Variants in LRP1B observed in about 807,000 individuals in gnomAD.
LRP1B encodes low-density lipoprotein receptor-related protein 1B.
LRP1B carries 217 observed loss-of-function variants against 556.6 expected under a neutral mutation model. The ratio of observed to expected loss-of-function variants is 0.39; its 90% CI spans 0.35 to 0.44. The LOEUF is 0.44. Ranked by LOEUF, LRP1B falls within the 20% of genes least tolerant of loss-of-function variation. LRP1B has a pLI of 1.00. For missense variants in LRP1B, 5,053 were observed against 5,620.8 expected, an observed-to-expected ratio of 0.90 and a Z score of 3.23; for synonymous variants, 2,047 against 1,865.8, an observed-to-expected ratio of 1.10 and a Z score of -2.50.
chr2:141,229,730 G>A (rs966627999), intron 5 of LRP1B, among the ~76,000 whole-genome samples: 1 of 152,288 alleles, frequency 6.6e-6, no homozygotes, highest in Admixed American at 6.5e-5. Context: ...AGGAAGTGGT[G>A]TGAATTGTTT....
At position 140,249,876 on chromosome 2, in the gene LRP1B, A is replaced by G. The variant is rs1010442194; in HGVS notation, c.13248-2714T>C. Reference sequence around the variant, plus strand: ...ATACTTTAAGTAGACTACAATGATCAAAGCCATTAATGGCAGAGCATTTAA... The same window carrying G: ...ATACTTTAAGTAGACTACAATGATCGAAGCCATTAATGGCAGAGCATTTAA... On this transcript the variant is annotated intron_variant, in intron 86 of 90. Transcript: ENST00000389484. Among the ~76,000 whole-genome samples, 15 of 151,938 alleles carry G rather than the reference A, an allele frequency of 9.9e-5. No homozygotes were observed. The Admixed American group carries it at 9.9e-4, about 10-fold the overall frequency.
At chr2:141,706,878 TA>T (rs1350355531) in intron 2 of LRP1B, among the ~76,000 whole-genome samples, 2 of 152,110 alleles carry the variant, frequency 1.3e-5, no homozygotes, top group African/African-American at 4.8e-5. Flanking sequence ...TATTTGATTC[TA>T]CTCTACTGAT....
At chr2:141,886,972 TTTTTTTTG>T (rs920973137) in intron 1 of LRP1B, among the ~76,000 whole-genome samples, 1 of 103,618 alleles carries the variant, frequency 9.7e-6, no homozygotes, top group African/African-American at 4.1e-5. Context: ...TTCTTTTTTT[TTTTTTTTG>T]GGTTTTTTGT....
chr2:140,246,163 G>A (rs1008790420), intron 87 of LRP1B, among the ~76,000 whole-genome samples: 8 of 151,198 alleles, frequency 5.3e-5, no homozygotes, highest in Middle Eastern at 3.2e-3. Flanking sequence ...TACTTTAATA[G>A]TCTCTCTCCT....
At position 142,130,756 on chromosome 2, in the gene LRP1B, G is replaced by C; in HGVS notation, c.-27C>G. The C allele has an allele frequency of 6.3e-7, 1 of 1,584,390 alleles. No individual in the cohort carries two copies. Among genetic ancestry groups the C allele is most frequent in the South Asian group, 1.1e-5 (1 of 88,524 alleles). ...GTGGTCGCCCGGTAAGGAAGCCTGC[G>C]CTGGAGACTGCTCGGCGGCACCTTC... On this transcript the variant is annotated 5_prime_UTR_variant, in exon 1 of 91. Transcript: ENST00000389484.
In LRP1B at chr2:140,982,272, T is replaced by A; in HGVS notation, c.2775A>T (p.Arg925Ser). The A allele has an allele frequency of 6.2e-7, 1 of 1,608,616 alleles. No individual in the cohort carries two copies. The change falls in exon 18 of 91, where the codon AGA becomes AGT. Residue 925 changes from arginine (R) to serine (S), a missense_variant. By Grantham distance (110) the Arg-to-Ser change is moderately radical. Coordinates refer to ENST00000389484, the MANE Select transcript of LRP1B (RefSeq NM_018557.3). ...EDESNQTCTA[R>S]TCQVDQFSCG... ...AAGAAAACTGGTCTACCTGGCATGT[T>A]CTGGCTATGATGATCAATTAATAAA...
chr2:141,950,916 C>T (rs944580892), intron 1 of LRP1B, among the ~76,000 whole-genome samples: 1 of 151,960 alleles, frequency 6.6e-6, no homozygotes, highest in Non-Finnish European at 1.5e-5. Flanking sequence ...TATCCTTCTC[C>T]ACATCTGTAA....
chr2:140,291,221 G>A (rs1030066540), intron 84 of LRP1B, among the ~76,000 whole-genome samples: 2 of 144,916 alleles, frequency 1.4e-5, no homozygotes, highest in African/African-American at 2.5e-5. Context: ...GTTCCCCCTT[G>A]CTGCTTACTC....
At chr2:141,657,015 T>C (rs1690036906) in intron 2 of LRP1B, among the ~76,000 whole-genome samples, 1 of 152,110 alleles carries the variant, frequency 6.6e-6, no homozygotes, top group African/African-American at 2.4e-5. Flanking sequence ...TAAGCTCTTT[T>C]GGAACAACAA....
chr2:140,594,189 C>T (rs1207706204), intron 43 of LRP1B, among the ~76,000 whole-genome samples: 1 of 152,080 alleles, frequency 6.6e-6, no homozygotes, highest in Non-Finnish European at 1.5e-5. Context: ...AGGCTGGTCT[C>T]GAACTCCCGA....
chr2:140,931,729 A>C (rs1482228880), intron 20 of LRP1B, among the ~76,000 whole-genome samples: 3 of 152,122 alleles, frequency 2.0e-5, no homozygotes. Context: ...AGTTAATTAA[A>C]ATTTTATGTT....
chr2:140,742,026 T>C (rs958682820), intron 35 of LRP1B, among the ~76,000 whole-genome samples: 1 of 152,220 alleles, frequency 6.6e-6, no homozygotes, highest in African/African-American at 2.4e-5. Context: ...TTTCAGCTTT[T>C]GAAGGTATTT....
chr2:141,942,696 A>T (rs191401983), intron 1 of LRP1B, among the ~76,000 whole-genome samples: 1 of 152,260 alleles, frequency 6.6e-6, no homozygotes, highest in East Asian at 1.9e-4. Flanking sequence ...TATTTTGTGC[A>T]GCAGTTTCCA....
intron 1 of LRP1B, among the ~76,000 whole-genome samples, chr2:141,937,353 C>A (rs905411538): frequency 1.6e-4 from 24 of 151,496 alleles, no homozygotes; most frequent in African/African-American, 5.6e-4. Context: ...CCACTGCACT[C>A]CAGCCTGGGC....
chr2:140,787,633 C>G (rs923609784), intron 32 of LRP1B, among the ~76,000 whole-genome samples: 2 of 127,896 alleles, frequency 1.6e-5, no homozygotes, highest in Non-Finnish European at 3.1e-5. Context: ...TGAAGTAGTC[C>G]AATCAGGGCT....
intron 2 of LRP1B, among the ~76,000 whole-genome samples, chr2:141,691,330 G>C (rs1691519781): frequency 6.6e-6 from 1 of 151,648 alleles, no homozygotes; most frequent in Admixed American, 6.6e-5. Context: ...TTATTTTCTA[G>C]TGTTCTTCTG....
chr2:140,518,559 A>C (rs1346278439), intron 49 of LRP1B, among the ~76,000 whole-genome samples: 5 of 152,176 alleles, frequency 3.3e-5, no homozygotes, highest in African/African-American at 1.2e-4. Context: ...ACTGAGGTAA[A>C]GAATGTGTTG....
chr2:140,824,376 T>A (rs1471423391), intron 31 of LRP1B, among the ~76,000 whole-genome samples: 1 of 152,098 alleles, frequency 6.6e-6, no homozygotes, highest in Non-Finnish European at 1.5e-5. Context: ...TGTAAAAATT[T>A]TTTGATTTCA....
chr2:140,739,614 T>C (rs1688069828), intron 35 of LRP1B, among the ~76,000 whole-genome samples: 1 of 152,182 alleles, frequency 6.6e-6, no homozygotes, highest in Non-Finnish European at 1.5e-5. Flanking sequence ...ATCTCTACAA[T>C]AGAACGGATG....
Sources: gnomAD v4.1 joint callset for allele counts (sites outside exome capture counted in the v4.1 genomes callset) on GRCh38, gnomAD v4.1.1 for gene constraint, MANE v1.5 for transcripts, NCBI Gene and HGNC (gene_info 2026-07-23, HGNC 2026-07-21) for gene names.